The following PAX5 variants were observed in gnomAD, a reference collection of about 807,000 sequenced individuals.
PAX5 encodes the protein paired box protein Pax-5.
PAX5 carries 9 observed loss-of-function variants against 43.7 expected under a neutral mutation model. The ratio of observed to expected loss-of-function variants is 0.21; its 90% CI spans 0.12 to 0.36. PAX5 has a LOEUF of 0.36. Ranked by LOEUF, PAX5 falls within the 10% of genes least tolerant of loss-of-function variation. The pLI is 1.00. For missense variants in PAX5, 383 were observed against 532.7 expected, an observed-to-expected ratio of 0.72 and a Z score of 2.77; for synonymous variants, 228 against 214.3, an observed-to-expected ratio of 1.06 and a Z score of -0.56.
chr9:36,986,329 C>T (rs2282078), intron 5 of PAX5, among the ~76,000 whole-genome samples: 28,779 of 147,106 alleles, frequency 0.2, 3,535 homozygotes, highest in Middle Eastern at 0.35. Context: ...GGCGCGCCGC[C>T]GCCTCCACGC....
intron 7 of PAX5, among the ~76,000 whole-genome samples, chr9:36,920,661 A>G (rs954198835): frequency 6.6e-6 from 1 of 152,182 alleles, no homozygotes; most frequent in Admixed American, 6.5e-5. Flanking sequence ...TATTGGCTTT[A>G]TATTTACCAG....
intron 7 of PAX5, among the ~76,000 whole-genome samples, chr9:36,883,535 G>C (rs923051733): frequency 3.3e-5 from 5 of 152,070 alleles, no homozygotes; most frequent in Non-Finnish European, 7.4e-5. Flanking sequence ...GCCAGGCGTC[G>C]TGGCACATGC....
intron 6 of PAX5, among the ~76,000 whole-genome samples, chr9:36,927,269 C>G (rs769547829): frequency 6.6e-6 from 1 of 152,146 alleles, no homozygotes; most frequent in Non-Finnish European, 1.5e-5. Flanking sequence ...TAGACCTCAG[C>G]CTCTTCTCTC....
At chr9:36,996,582 C>G (rs1316921020) in intron 5 of PAX5, among the ~76,000 whole-genome samples, 1 of 152,216 alleles carries the variant, frequency 6.6e-6, no homozygotes, top group Non-Finnish European at 1.5e-5. Flanking sequence ...CTCCCCACTT[C>G]CTGCTTCTGT....
chr9:36,869,919 G>A (rs1324488490), intron 8 of PAX5, among the ~76,000 whole-genome samples: 5 of 142,220 alleles, frequency 3.5e-5, no homozygotes, highest in African/African-American at 1.4e-4. Context: ...TGGATGGATG[G>A]ATGGATGGAT....
intron 6 of PAX5, among the ~76,000 whole-genome samples, chr9:36,958,101 T>C (rs1306662509): frequency 1.3e-5 from 2 of 152,216 alleles, no homozygotes; most frequent in African/African-American, 4.8e-5. Flanking sequence ...AGCTGCTTTC[T>C]TGAGCCTCAT....
intron 6 of PAX5, among the ~76,000 whole-genome samples, chr9:36,934,927 G>A (rs1831417473): frequency 6.6e-6 from 1 of 152,202 alleles, no homozygotes; most frequent in African/African-American, 2.4e-5. Context: ...CAGGTACCAT[G>A]GCCTGGCTCT....
At chr9:36,958,045 C>T (rs758231734) in intron 6 of PAX5, among the ~76,000 whole-genome samples, 2 of 152,114 alleles carry the variant, frequency 1.3e-5, no homozygotes, top group African/African-American at 4.8e-5. Flanking sequence ...AAGAGCTACC[C>T]TAGAGGGTCT....
chr9:36,939,931 G>A (rs1056560786), intron 6 of PAX5, among the ~76,000 whole-genome samples: 2 of 152,240 alleles, frequency 1.3e-5, no homozygotes, highest in African/African-American at 4.8e-5. Context: ...TCCCCTCGAC[G>A]CGGGGCCTCA....
chr9:36,987,901 T>G (rs1836576570), intron 5 of PAX5, among the ~76,000 whole-genome samples: 1 of 152,166 alleles, frequency 6.6e-6, no homozygotes, highest in Non-Finnish European at 1.5e-5. Context: ...GTGCCAGCAG[T>G]TAAAAGATAC....
At chr9:36,865,940 C>T (rs1824830588) in intron 8 of PAX5, among the ~76,000 whole-genome samples, 1 of 152,246 alleles carries the variant, frequency 6.6e-6, no homozygotes, top group South Asian at 2.1e-4. Flanking sequence ...AAAAGCAAGT[C>T]TGCCCATCCT....
At chr9:36,864,555 A>G (rs1824624938) in intron 8 of PAX5, among the ~76,000 whole-genome samples, 1 of 152,152 alleles carries the variant, frequency 6.6e-6, no homozygotes. Flanking sequence ...CCCCAGCCGG[A>G]CCCTGAGTCA....
chr9:36,881,977 G>T (rs200743794), intron 8 of PAX5, 27 bp downstream of exon 8: 4 of 1,562,608 alleles, frequency 2.6e-6, no homozygotes, highest in Non-Finnish European at 8.8e-7. Flanking sequence ...GCTGCCTGCT[G>T]TGGAGACGCC....
chr9:36,953,230 T>C (rs1289038499), intron 6 of PAX5, among the ~76,000 whole-genome samples: 1 of 152,230 alleles, frequency 6.6e-6, no homozygotes, highest in Non-Finnish European at 1.5e-5. Context: ...CTTGTTTCTC[T>C]ATAAGTAAGG....
intron 4 of PAX5, among the ~76,000 whole-genome samples, chr9:37,004,972 T>A (rs985605181): frequency 6.6e-6 from 1 of 152,258 alleles, no homozygotes; most frequent in African/African-American, 2.4e-5. Context: ...CGAGATGTAG[T>A]TTAATTTAAA....
At chr9:36,982,034 G>A (rs1011045916) in intron 5 of PAX5, among the ~76,000 whole-genome samples, 4 of 152,224 alleles carry the variant, frequency 2.6e-5, no homozygotes, top group African/African-American at 7.2e-5. Context: ...GGAGGCCGAG[G>A]CAGATGGATC....
At chr9:37,016,087 G>A (rs930552000) in intron 2 of PAX5, among the ~76,000 whole-genome samples, 12 of 152,202 alleles carry the variant, frequency 7.9e-5, no homozygotes, top group African/African-American at 2.9e-4. Context: ...CAGGTATAAA[G>A]CAGAGATTCA....
At chr9:36,950,735 C>CTTTTT (rs55801947) in intron 6 of PAX5, among the ~76,000 whole-genome samples, 14 of 116,678 alleles carry the variant, frequency 1.2e-4, no homozygotes, top group Non-Finnish European at 1.5e-4. Context: ...ACTGAGTTTT[C>CTTTTT]TTTTTTTTTT....
chr9:36,918,343 G>A (rs1401099441), intron 7 of PAX5, among the ~76,000 whole-genome samples: 1 of 152,192 alleles, frequency 6.6e-6, no homozygotes, highest in African/African-American at 2.4e-5. Context: ...TTGCTGATAT[G>A]GAGAAAGTTT....
Sources: allele counts gnomAD v4.1 joint callset (sites outside exome capture counted in the v4.1 genomes callset), GRCh38; gene constraint gnomAD v4.1.1; transcripts MANE v1.5; gene names NCBI Gene and HGNC (gene_info 2026-07-23, HGNC 2026-07-21).